The following MORC1 variants were observed in gnomAD, a reference collection of about 807,000 sequenced individuals.
The protein encoded by MORC1 is MORC family CW-type zinc finger 1, also known as MORC family CW-type zinc finger protein 1.
A neutral mutation model predicts 134.9 loss-of-function variants in MORC1; 59 were observed. The observed-to-expected ratio is 0.44, with a 90% CI of 0.35 to 0.54. The LOEUF (loss-of-function observed/expected upper bound fraction) is 0.54, where lower values mean the gene tolerates loss of function less well. Ranked by LOEUF, MORC1 falls within the 20% of genes least tolerant of loss-of-function variation. The probability of loss-of-function intolerance (pLI) is 0.00; values close to 1 mark genes in which losing one functional copy is unlikely to be tolerated. For synonymous variants in MORC1, 395 were observed against 391.7 expected, an observed-to-expected ratio of 1.01 and a Z score of -0.10; for missense variants, 947 against 1,134.5, an observed-to-expected ratio of 0.83 and a Z score of 2.37.
In MORC1 at chr3:108,996,282, G is replaced by A. The variant is rs560308843; in HGVS notation, c.2187+4275C>T. ...TGCACATGTGCGCGTGCGTGCGCGCGCGCGCACACACACACACACACACAC... is the reference window on the plus strand; with the variant it reads ...TGCACATGTGCGCGTGCGTGCGCGCACGCGCACACACACACACACACACAC... On this transcript the variant is annotated intron_variant, in intron 21 of 27. Coordinates refer to ENST00000232603, the MANE Select transcript of MORC1 (RefSeq NM_014429.4). Among the ~76,000 whole-genome samples the A allele has an allele frequency of 9.8e-3, 477 of 48,726 alleles. 1 individual carries two copies. Among genetic ancestry groups the A allele is most frequent in the Middle Eastern group, 0.014 (1 of 74 alleles). 32.0% of individuals were successfully genotyped at this position (48,726 alleles called of 152,430 possible).
chr3:109,077,773 T>C (rs938403184), intron 8 of MORC1, among the ~76,000 whole-genome samples: 2 of 152,038 alleles, frequency 1.3e-5, no homozygotes, highest in Non-Finnish European at 2.9e-5. Context: ...AGTCCAGCCA[T>C]AGCAGATGTC....
intron 9 of MORC1, among the ~76,000 whole-genome samples, chr3:109,063,453 G>A (rs1041533948): frequency 6.6e-6 from 1 of 151,966 alleles, no homozygotes; most frequent in Admixed American, 6.6e-5. Flanking sequence ...AACTTCATGA[G>A]AGCGATAAGA....
chr3:109,001,256 T>C (rs1401736639), intron 20 of MORC1, among the ~76,000 whole-genome samples: 1 of 152,080 alleles, frequency 6.6e-6, no homozygotes, highest in Non-Finnish European at 1.5e-5. Context: ...CCTCAGTCTC[T>C]AGAACAGCTG....
chr3:109,030,654 T>C (rs1949221021), intron 16 of MORC1, among the ~76,000 whole-genome samples: 1 of 152,234 alleles, frequency 6.6e-6, no homozygotes, highest in Admixed American at 6.5e-5. Flanking sequence ...TTTTGCACTT[T>C]AGACCTTTAA....
intron 23 of MORC1, among the ~76,000 whole-genome samples, chr3:108,983,241 C>T (rs950947890): frequency 5.3e-5 from 8 of 152,106 alleles, no homozygotes; most frequent in African/African-American, 1.9e-4. Context: ...ATTTAATCAA[C>T]AAATATTACT....
intron 3 of MORC1, among the ~76,000 whole-genome samples, chr3:109,106,789 A>C (rs978829631): frequency 6.6e-6 from 1 of 152,146 alleles, no homozygotes; most frequent in Non-Finnish European, 1.5e-5. Flanking sequence ...TTTCTGGATC[A>C]CAACAGCGCC....
intron 26 of MORC1, among the ~76,000 whole-genome samples, chr3:108,963,899 G>A (rs1947149402): frequency 6.6e-6 from 1 of 152,186 alleles, no homozygotes; most frequent in Non-Finnish European, 1.5e-5. Flanking sequence ...AAGAAACCTC[G>A]TAAAGGTTGA....
At position 108,963,750 on chromosome 3, in the gene MORC1, A is replaced by G. The variant is rs1452478234; in HGVS notation, c.2605-142T>C. Reference sequence around the variant, plus strand: ...GGTGGTCTAAATTTAGGAAATATTGATACCCTTAAGGAACTTACATACACT... The same window carrying G: ...GGTGGTCTAAATTTAGGAAATATTGGTACCCTTAAGGAACTTACATACACT... On this transcript the variant is annotated intron_variant, in intron 26 of 27. Coordinates refer to ENST00000232603, the MANE Select transcript of MORC1 (RefSeq NM_014429.4). The G allele has an allele frequency of 1.0e-5, 6 of 590,858 alleles. No homozygotes were observed. In the Admixed American group the frequency reaches 1.1e-4, roughly 10 times the overall value. 36.6% of individuals were successfully genotyped at this position (590,858 alleles called of 1,614,324 possible).
At chr3:109,047,449 T>C (rs1469463891) in intron 14 of MORC1, among the ~76,000 whole-genome samples, 3 of 152,134 alleles carry the variant, frequency 2.0e-5, no homozygotes, top group Non-Finnish European at 2.9e-5. Context: ...ATTATCATGA[T>C]AATACAGGTA....
intron 21 of MORC1, among the ~76,000 whole-genome samples, chr3:108,995,527 T>C (rs1197649437): frequency 2.0e-5 from 3 of 152,200 alleles, no homozygotes; most frequent in African/African-American, 7.2e-5. Context: ...GGGTTGGTGG[T>C]AAAGTTATGA....
At chr3:109,023,614 CATG>C (rs139155966) in intron 17 of MORC1, among the ~76,000 whole-genome samples, 2,656 of 152,162 alleles carry the variant, frequency 0.017, 27 homozygotes, top group Non-Finnish European at 0.028. Context: ...ATTCTGTGTG[CATG>C]ATAATGACAC....
At chr3:108,971,193 C>A in intron 25 of MORC1, 137 bp downstream of exon 25, 1 of 679,082 alleles carries the variant, frequency 1.5e-6, no homozygotes, top group Non-Finnish European at 2.6e-6. Context: ...TTATGAATCA[C>A]CATTTGGTAT....
chr3:109,064,187 T>G (rs1313778349), intron 9 of MORC1, among the ~76,000 whole-genome samples: 1 of 152,152 alleles, frequency 6.6e-6, no homozygotes, highest in East Asian at 1.9e-4. Context: ...TGGAAAGATA[T>G]TTATTAAACT....
At chr3:108,990,541 A>G (rs1047352011) in intron 21 of MORC1, among the ~76,000 whole-genome samples, 28 of 152,196 alleles carry the variant, frequency 1.8e-4, no homozygotes, top group Admixed American at 1.0e-3. Context: ...ACTCCTGTTC[A>G]TCACATGCAA....
intron 14 of MORC1, among the ~76,000 whole-genome samples, chr3:109,051,124 A>C (rs990889590): frequency 1.3e-5 from 2 of 152,236 alleles, no homozygotes; most frequent in African/African-American, 2.4e-5. Flanking sequence ...CAGTGAGGTG[A>C]AGTCAGACTT....
chr3:109,063,297 C>T, intron 9 of MORC1, 66 bp from the exon 10 acceptor site: 1 of 1,051,804 alleles, frequency 9.5e-7, no homozygotes, highest in South Asian at 1.5e-5. Context: ...AGACAATATT[C>T]TTTAGTAAGA....
At chr3:109,065,178 A>G (rs1300234784) in intron 9 of MORC1, among the ~76,000 whole-genome samples, 1 of 151,944 alleles carries the variant, frequency 6.6e-6, no homozygotes, top group African/African-American at 2.4e-5. Flanking sequence ...TCAATTCTCC[A>G]CTCAACAGCT....
chr3:108,994,563 A>C lies in MORC1; in HGVS notation c.2187+5994T>G, dbSNP rs937532442. ...TATTATAAAATATGAATAAACAACA[A>C]ACACCAATATTTATGAGAAGGGTAT... On this transcript the variant is annotated intron_variant, in intron 21 of 27. Transcript: ENST00000232603. Among the ~76,000 whole-genome samples the C allele has an allele frequency of 2.0e-5, 3 of 152,104 alleles. No homozygotes were observed. The East Asian group carries it at 5.8e-4, about 29-fold the overall frequency.
At chr3:108,999,612 T>C (rs1037078801) in intron 21 of MORC1, among the ~76,000 whole-genome samples, 3 of 152,178 alleles carry the variant, frequency 2.0e-5, no homozygotes, top group African/African-American at 7.2e-5. Context: ...CAAATCTATA[T>C]AGCATTTTGA....
Sources: gnomAD v4.1 joint callset for allele counts (sites outside exome capture counted in the v4.1 genomes callset) on GRCh38, gnomAD v4.1.1 for gene constraint, MANE v1.5 for transcripts, NCBI Gene and HGNC (gene_info 2026-07-23, HGNC 2026-07-21) for gene names.